The following TCOF1 variants were observed in gnomAD, a reference collection of about 807,000 sequenced individuals.
The protein encoded by TCOF1 is treacle protein.
A neutral mutation model predicts 149.0 loss-of-function variants in TCOF1; 33 were observed. That is an observed-to-expected ratio of 0.22 (90% CI 0.17 to 0.30). TCOF1 has a LOEUF of 0.30. Among genes scored for constraint, TCOF1 ranks in the 10% least tolerant of loss-of-function variants. TCOF1 has a pLI of 1.00. For missense variants in TCOF1, 1,728 were observed against 1,840.7 expected (o/e 0.94, Z 1.12); for synonymous variants, 789 against 738.8 (o/e 1.07, Z -1.10).
At chr5:150,380,314 G>C (rs562933154) in intron 17 of TCOF1, 2 of 165,220 alleles carry the variant, frequency 1.2e-5, no homozygotes, top group East Asian at 1.7e-4. Flanking sequence ...TATAAGCTAG[G>C]CCAGTATTTC....
rs1763512613 is a variant in TCOF1 at position 150,375,339 on chromosome 5, G to A, written c.1489G>A (p.Val497Met). 2 of 1,611,268 alleles carry A rather than the reference G, an allele frequency of 1.2e-6. No homozygotes were observed. Among genetic ancestry groups the A allele is most frequent in the East Asian group, 4.5e-5 (2 of 44,832 alleles). Residue 497 changes from valine to methionine, a missense_variant and splice_region_variant, in exon 11 of 27, where the codon GTG (valine) becomes ATG (methionine). Transcript: ENST00000643257. The stretch of plus-strand genomic sequence containing the variant: ...TAATCTTGTCCTTTGTGTCTCCCAG[G>A]TGAAGCCCTTGGGGAAAAGCCCCCA... ...EALAAMNAAQ[V>M]KPLGKSPQVK...
Position 150,374,637 on chromosome 5 carries a change from C to G in TCOF1, c.1104C>G (p.Thr368=). The change falls in exon 9 of 27, where the codon ACC becomes ACG. Residue 368 remains threonine (T), a synonymous_variant. Coordinates refer to ENST00000643257, the MANE Select transcript of TCOF1 (RefSeq NM_001371623.1). ...TCCAGGCGAAGGCCTCAGGAAAAAC[C>G]TCTCAGGTCGGAGCTGCCTCAGCCC... is the stretch of plus-strand genomic sequence containing the variant. The part of the protein sequence containing the change: ...ALLQAKASGK[T]SQVGAASAPA... 1 of 1,611,408 alleles carries G rather than the reference C, an allele frequency of 6.2e-7. No homozygotes were observed. The highest frequency in any genetic ancestry group is 8.5e-7 in the Non-Finnish European group (1 of 1,179,162).
rs1489803017 is a variant in TCOF1 at position 150,391,590 on chromosome 5, T to A, written c.3230T>A (p.Leu1077Gln). The part of the protein sequence containing the change: ...PASLPLTQAA[L>Q]KVLAQKASEA... Reference sequence around the variant, plus strand: ...TCCCTCCCACTGACCCAGGCTGCCCTGAAGGTCCTCGCCCAGAAAGCCAGT... The same window carrying A: ...TCCCTCCCACTGACCCAGGCTGCCCAGAAGGTCCTCGCCCAGAAAGCCAGT... Residue 1077 changes from leucine to glutamine, a missense_variant, in exon 20 of 27, where the codon CTG (leucine) becomes CAG (glutamine). Leu to Gln is a moderately radical substitution (Grantham distance 113, BLOSUM62 -2). Transcript: ENST00000643257. The A allele has an allele frequency of 6.2e-7, 1 of 1,614,120 alleles. No individual in the cohort carries two copies. The highest frequency in any genetic ancestry group is 1.7e-5 in the Admixed American group (1 of 60,026).
At chr5:150,383,823 C>T in intron 17 of TCOF1, 1 of 1,551,576 alleles carries the variant, frequency 6.4e-7, no homozygotes, top group African/African-American at 1.4e-5. Flanking sequence ...CTCCACTGCA[C>T]CCAGAGCTTA....
chr5:150,393,444 C>A lies in TCOF1; in HGVS notation c.3676C>A (p.Leu1226Ile). The A allele has an allele frequency of 6.2e-7, 1 of 1,614,184 alleles. No individual in the cohort carries two copies. The highest frequency in any genetic ancestry group is 8.5e-7 in the Non-Finnish European group (1 of 1,180,032). The change falls in exon 23 of 27, where the codon CTA becomes ATA. Residue 1226 changes from leucine to isoleucine, a missense_variant. This residue lies in a region of TCOF1 where 1,696 missense variants were observed against 1,765.4 expected (regional missense o/e 0.96). Coordinates refer to ENST00000643257, the MANE Select transcript of TCOF1 (RefSeq NM_001371623.1). The part of the protein sequence containing the change: ...NSQASKATPK[L>I]DSSPSVSSTL... ...CCAGGCCTCAAAAGCCACTCCCAAGCTAGACTCCAGCCCCTCAGTTTCCTC... is the reference window on the plus strand; with the variant it reads ...CCAGGCCTCAAAAGCCACTCCCAAGATAGACTCCAGCCCCTCAGTTTCCTC...
At chr5:150,379,118 G>A (rs955386457) in intron 15 of TCOF1, 76 bp downstream of exon 15, 5 of 1,613,784 alleles carry the variant, frequency 3.1e-6, no homozygotes, top group African/African-American at 1.3e-5. Context: ...GCCCAGCCAG[G>A]AGAAGGTGCG....
chr5:150,384,943 G>C, intron 17 of TCOF1: 1 of 985,446 alleles, frequency 1.0e-6, no homozygotes, highest in Non-Finnish European at 1.2e-6. Context: ...AGGCTGGGAG[G>C]CAGGGATAGA....
chr5:150,372,229 G>A lies in TCOF1; in HGVS notation c.863G>A (p.Arg288Gln), dbSNP rs770606504. 36 of 1,608,934 alleles carry A rather than the reference G, an allele frequency of 2.2e-5. No homozygotes were observed. The highest frequency in any genetic ancestry group is 1.6e-4 in the East Asian group (7 of 44,770). ...GAGGAGGAGGCCCCTGCAGGGACAC[G>A]AAGCCAGGTGAGGCCTGGAGGAGGG... ...ESEEEAPAGT[R>Q]SQVKASEKIL... The change falls in exon 7 of 27, where the codon CGA becomes CAA. Residue 288 changes from arginine to glutamine, a missense_variant. Arg to Gln is a conservative substitution (Grantham distance 43). Transcript: ENST00000643257.
intron 1 of TCOF1, among the ~76,000 whole-genome samples, chr5:150,359,168 G>T (rs549122541): frequency 6.6e-6 from 1 of 152,272 alleles, no homozygotes; most frequent in East Asian, 1.9e-4. Flanking sequence ...CCGACATGGT[G>T]AAACCCTGTC....
intron 23 of TCOF1, chr5:150,394,043 G>A (rs532368250): frequency 4.9e-6 from 1 of 205,572 alleles, no homozygotes; most frequent in African/African-American, 2.3e-5. Context: ...CCACGCCCAG[G>A]TGTCTGGCTC....
rs1330906675 is a variant in TCOF1 at position 150,393,524 on chromosome 5, G to A, written c.3756G>A (p.Gln1252=). The A allele has an allele frequency of 3.7e-6, 6 of 1,614,180 alleles. No homozygotes were observed. Among genetic ancestry groups the A allele is most frequent in the Non-Finnish European group, 5.1e-6 (6 of 1,180,032 alleles). Residue 1252 remains glutamine (Q), a synonymous_variant, in exon 23 of 27, where the codon CAG becomes CAA. Coordinates refer to ENST00000643257, the MANE Select transcript of TCOF1 (RefSeq NM_001371623.1). ...GCAAGCAGGAGGCAAAGCCCCAACA[G>A]GCAGCAGGCATGTTGTCCCCTAAAA... ...PDGKQEAKPQ[Q]AAGMLSPKTG...
intron 1 of TCOF1, among the ~76,000 whole-genome samples, chr5:150,358,322 G>T (rs1376562913): frequency 4.6e-5 from 7 of 152,096 alleles, no homozygotes. Flanking sequence ...GGCCTTTAGC[G>T]ATTGTCTGTA....
At chr5:150,370,483 G>A (rs1174186166) in intron 6 of TCOF1, among the ~76,000 whole-genome samples, 1 of 152,174 alleles carries the variant, frequency 6.6e-6, no homozygotes, top group East Asian at 1.9e-4. Context: ...AGCCTCCCAA[G>A]TAGCTGGGAT....
At chr5:150,391,271 G>A (rs1015597733) in intron 19 of TCOF1, among the ~76,000 whole-genome samples, 3 of 152,210 alleles carry the variant, frequency 2.0e-5, no homozygotes, top group East Asian at 3.8e-4. Context: ...TAGAGATGGG[G>A]GTCCACCAGG....
intron 3 of TCOF1, 149 bp from the exon 4 acceptor site, chr5:150,367,695 T>C (rs924181426): frequency 1.2e-6 from 1 of 841,854 alleles, no homozygotes; most frequent in Non-Finnish European, 2.0e-6. Flanking sequence ...ACAGAGCTCA[T>C]TCCTGCAAGT....
At chr5:150,368,311 A>G (rs1236687061) in intron 4 of TCOF1, 1 of 349,282 alleles carries the variant, frequency 2.9e-6, no homozygotes, top group African/African-American at 2.1e-5. Flanking sequence ...AGCATTTTCC[A>G]AACTGGAAAC....
intron 19 of TCOF1, among the ~76,000 whole-genome samples, chr5:150,390,255 C>T (rs1191872258): frequency 2.0e-5 from 3 of 152,228 alleles, no homozygotes; most frequent in African/African-American, 7.2e-5. Context: ...GCAAGCCCTG[C>T]AGCACTCGAG....
chr5:150,375,001 T>C lies in TCOF1; in HGVS notation c.1326T>C (p.Pro442=). 1.9e-6 allele frequency: 3 copies of C among 1,613,576 alleles called. No homozygotes were observed. Among genetic ancestry groups the C allele is most frequent in the Non-Finnish European group, 2.5e-6 (3 of 1,179,894 alleles). ...KAPQVRAASA[P]AKESPRKGAA... ...CCCAGGTCAGAGCCGCCTCGGCCCC[T>C]GCCAAGGAGTCCCCCAGGAAAGGGG... The change falls in exon 10 of 27, where the codon CCT becomes CCC. Residue 442 remains proline, a synonymous_variant. Transcript: ENST00000643257.
intron 1 of TCOF1, among the ~76,000 whole-genome samples, chr5:150,359,224 G>C (rs1389270943): frequency 6.6e-6 from 1 of 151,748 alleles, no homozygotes; most frequent in Non-Finnish European, 1.5e-5. Context: ...GCATGCACCT[G>C]TAGTCCCAGT....
Sources: allele counts gnomAD v4.1 joint callset (sites outside exome capture counted in the v4.1 genomes callset), GRCh38; gene constraint gnomAD v4.1.1; regional missense constraint gnomAD v4.1.1; transcripts MANE v1.5; gene names NCBI Gene and HGNC (gene_info 2026-07-23, HGNC 2026-07-21).